The following EXOG variants were observed in gnomAD, a reference collection of about 807,000 sequenced individuals.
EXOG encodes exo/endonuclease G.
A neutral mutation model predicts 25.8 loss-of-function variants in EXOG; 27 were observed. The observed-to-expected ratio is 1.05, with a 90% CI of 0.77 to 1.45. The LOEUF is 1.45. EXOG is among the 40% of genes most tolerant of loss of function. The pLI is 0.00. For missense variants in EXOG, 458 were observed against 450.5 expected, an observed-to-expected ratio of 1.02 and a Z score of -0.15; for synonymous variants, 133 against 167.0, an observed-to-expected ratio of 0.80 and a Z score of 1.57.
intron 4 of EXOG, among the ~76,000 whole-genome samples, chr3:38,506,061 C>T (rs191483837): frequency 1.5e-4 from 23 of 151,664 alleles, no homozygotes; most frequent in Admixed American, 1.2e-3. Flanking sequence ...CCCAGCTACT[C>T]GGGAGGTTGA....
Position 38,524,361 on chromosome 3 carries a change from A to T in EXOG, c.1106A>T (p.Ter369LeuextTer11). The change falls in exon 6 of 6, where the codon TAG becomes TTG. Residue 369 changes from the stop codon to leucine (L), a stop_lost. Transcript: ENST00000287675. The part of the protein sequence containing the change: ...QSGTQIRKPS[*>L] ...GGAACCCAGATAAGAAAGCCATCCT[A>T]GTTTTTATCTCAAGATGTGTCATAC... 6.3e-7 allele frequency: 1 copy of T among 1,596,710 alleles called. No homozygotes were observed. The highest frequency in any genetic ancestry group is 1.1e-5 in the South Asian group (1 of 87,920).
At position 38,506,845 on chromosome 3, in the gene EXOG, G is replaced by T. The variant is rs1351071751; in HGVS notation, c.531-9G>T. The T allele has an allele frequency of 8.6e-6, 12 of 1,395,694 alleles. No homozygotes were observed. The highest frequency in any genetic ancestry group is 5.7e-5 in the African/African-American group (4 of 70,268). The allele number at this position is 1,395,694 out of a possible 1,614,324, so 86.5% of individuals were successfully genotyped here. A position where few individuals can be genotyped will look rare whatever the true frequency, so the allele number is the denominator to read the frequency against. ...GAGAATATCATACATTTTTTTATTT[G>T]TTTTTCAGAATAGAAATGTACTGTC... is the stretch of plus-strand genomic sequence containing the variant. On this transcript the variant is annotated splice_polypyrimidine_tract_variant and intron_variant, in intron 4 of 5. Transcript: ENST00000287675.
chr3:38,521,070 G>C (rs1559699081), intron 5 of EXOG, among the ~76,000 whole-genome samples: 1 of 152,150 alleles, frequency 6.6e-6, no homozygotes, highest in Middle Eastern at 3.2e-3. Flanking sequence ...AGGAAGAAAC[G>C]GTGTGTTTTT....
At position 38,524,335 on chromosome 3, in the gene EXOG, A is replaced by G. The variant is rs2060820523; in HGVS notation, c.1080A>G (p.Ser360=). The G allele has an allele frequency of 6.2e-7, 1 of 1,605,668 alleles. No individual in the cohort carries two copies. Among genetic ancestry groups the G allele is most frequent in the African/African-American group, 1.3e-5 (1 of 74,138 alleles). Residue 360 remains serine (S), a synonymous_variant, in exon 6 of 6, where the codon TCA becomes TCG. Transcript: ENST00000287675. ...KLEELKAKEQ[S]GTQIRKPS ...AAGAACTCAAAGCTAAGGAGCAGTC[A>G]GGAACCCAGATAAGAAAGCCATCCT...
chr3:38,526,139 A>C lies in EXOG; in HGVS notation c.*1777A>C. The C allele has an allele frequency of 3.0e-6, 3 of 985,372 alleles. No individual in the cohort carries two copies. The highest frequency in any genetic ancestry group is 2.4e-6 in the Non-Finnish European group (2 of 829,886). 61.0% of individuals were successfully genotyped at this position (985,372 alleles called of 1,614,324 possible). Reference sequence around the variant, plus strand: ...TTTACACGGAGTCCTTTCATGGACTATCCTGAGTATTGTCAGTAAAACGTC... The same window carrying C: ...TTTACACGGAGTCCTTTCATGGACTCTCCTGAGTATTGTCAGTAAAACGTC... On this transcript the variant is annotated 3_prime_UTR_variant, in exon 6 of 6. Transcript: ENST00000287675.
In EXOG at chr3:38,525,822, T is replaced by A. The variant is rs2060855867; in HGVS notation, c.*1460T>A. On this transcript the variant is annotated 3_prime_UTR_variant, in exon 6 of 6. Transcript: ENST00000287675. ...AGCTGGGCGTGGTGGTGCACACCTG[T>A]AGTCCCAGCTACTCGGGAGGCTGAA... 2.9e-6 allele frequency: 1 copy of A among 339,138 alleles called. No individual in the cohort carries two copies. 21.0% of individuals were successfully genotyped at this position (339,138 alleles called of 1,614,324 possible).
intron 5 of EXOG, chr3:38,519,425 A>G (rs1030905893): frequency 6.6e-6 from 1 of 152,256 alleles, no homozygotes; most frequent in African/African-American, 2.4e-5. Context: ...TGTTAGAAAT[A>G]TTTAACAATC....
At chr3:38,514,956 G>A (rs2060492733) in intron 5 of EXOG, among the ~76,000 whole-genome samples, 1 of 152,036 alleles carries the variant, frequency 6.6e-6, no homozygotes, top group Non-Finnish European at 1.5e-5. Flanking sequence ...ATTTTTAGTA[G>A]AGACAGGGTT....
At chr3:38,502,410 A>C (rs1457574289) in intron 3 of EXOG, among the ~76,000 whole-genome samples, 1 of 152,160 alleles carries the variant, frequency 6.6e-6, no homozygotes, top group Non-Finnish European at 1.5e-5. Context: ...ATTTTAAAAA[A>C]TTTTTTTAAT....
At chr3:38,502,492 T>C (rs776250511) in intron 3 of EXOG, among the ~76,000 whole-genome samples, 2 of 152,202 alleles carry the variant, frequency 1.3e-5, no homozygotes, top group Admixed American at 6.5e-5. Context: ...CATATACATA[T>C]GTAAATTCTG....
intron 2 of EXOG, 90 bp downstream of exon 2, chr3:38,497,868 C>T (rs2059941008): frequency 6.9e-7 from 1 of 1,443,992 alleles, no homozygotes. Flanking sequence ...TATTCTCAAC[C>T]TTTTTCATAT....
intron 5 of EXOG, chr3:38,523,144 A>C (rs1412481609): frequency 2.4e-6 from 3 of 1,241,998 alleles, no homozygotes; most frequent in Middle Eastern, 2.2e-4. Context: ...AGTGAATTTC[A>C]TAAACTAAGG....
intron 5 of EXOG, chr3:38,513,983 G>A (rs17037798): frequency 0.22 from 34,006 of 152,362 alleles, 3,880 homozygotes; most frequent in East Asian, 0.31. Context: ...GAGGGAGCAA[G>A]CCATATGAAC....
intron 4 of EXOG, 38 bp from the exon 5 acceptor site, chr3:38,506,816 A>G (rs1324639198): frequency 1.0e-6 from 1 of 986,478 alleles, no homozygotes; most frequent in Non-Finnish European, 1.6e-6. Context: ...ACATGTATAT[A>G]TGTGAGAATA....
chr3:38,496,352 C>T lies in EXOG; in HGVS notation c.-16C>T. 1.2e-6 allele frequency: 2 copies of T among 1,609,510 alleles called. No individual in the cohort carries two copies. Among genetic ancestry groups the T allele is most frequent in the Non-Finnish European group, 1.7e-6 (2 of 1,177,712 alleles). On this transcript the variant is annotated 5_prime_UTR_variant, in exon 1 of 6. Coordinates refer to ENST00000287675, the MANE Select transcript of EXOG (RefSeq NM_005107.4). ...GCGCGCATGCGCCGTGGTAAAAGGC[C>T]GGTACCTCGGGCAAGATGGCTATCA...
At chr3:38,523,577 A>T (rs1417370982) in intron 5 of EXOG, among the ~76,000 whole-genome samples, 2 of 152,120 alleles carry the variant, frequency 1.3e-5, no homozygotes, top group African/African-American at 4.8e-5. Flanking sequence ...CATGTTGGCC[A>T]GGCTGGTCTT....
At chr3:38,510,472 T>C (rs2060334485) in intron 5 of EXOG, among the ~76,000 whole-genome samples, 1 of 152,094 alleles carries the variant, frequency 6.6e-6, no homozygotes, top group Admixed American at 6.5e-5. Flanking sequence ...ATATCTTTGC[T>C]CTTAGGAAGT....
chr3:38,498,902 A>G (rs1012951080), intron 2 of EXOG: 4 of 456,504 alleles, frequency 8.8e-6, no homozygotes, highest in African/African-American at 8.0e-5. Flanking sequence ...AGATCTTGAT[A>G]ATTAATGTCA....
Position 38,496,423 on chromosome 3 carries a change from GC to G in EXOG, c.57del (p.Phe20SerfsTer6). 6.2e-7 allele frequency: 1 copy of G among 1,614,114 alleles called. No homozygotes were observed. On this transcript the variant is annotated frameshift_variant, in exon 1 of 6. Coordinates refer to ENST00000287675, the MANE Select transcript of EXOG (RefSeq NM_005107.4). LOFTEE classifies it high-confidence loss of function. ...RLRGSRRFLS[G>X]FVAGAVVGAA... ...CGGGGTTCCCGTCGTTTTCTGAGCG[GC>G]TTCGTGGCTGGGGCTGTAGTGGGCG... is the stretch of plus-strand genomic sequence containing the variant.
Sources: allele counts gnomAD v4.1 joint callset (sites outside exome capture counted in the v4.1 genomes callset), GRCh38; gene constraint gnomAD v4.1.1; transcripts MANE v1.5; gene names NCBI Gene and HGNC (gene_info 2026-07-23, HGNC 2026-07-21).